Variants in CEP83 observed in about 807,000 individuals in gnomAD.
The protein encoded by CEP83 is centrosomal protein 83.
CEP83 carries 70 observed loss-of-function variants against 101.9 expected under a neutral mutation model. The observed-to-expected ratio is 0.69, with a 90% CI of 0.57 to 0.84. The LOEUF (loss-of-function observed/expected upper bound fraction) is 0.84. Ranked by LOEUF, CEP83 falls within the 40% of genes least tolerant of loss-of-function variation. The pLI, the probability that CEP83 is intolerant of heterozygous loss-of-function variation, is 0.00. For synonymous variants in CEP83, 264 were observed against 267.9 expected (o/e 0.99, Z 0.14); for missense variants, 715 against 787.2 (o/e 0.91, Z 1.10).
the CEP83 span, among the ~76,000 whole-genome samples, chr12:94,278,958 A>C: frequency 1.4e-4 from 21 of 151,810 alleles, no homozygotes; most frequent in South Asian, 3.5e-3. Flanking sequence ...AGATAGCACC[A>C]TTGAACTCCA....
chr12:94,419,747 G>C (rs1437413342), intron 2 of CEP83, among the ~76,000 whole-genome samples: 6 of 152,094 alleles, frequency 3.9e-5, no homozygotes, highest in African/African-American at 1.4e-4. Flanking sequence ...ACCGTAAGGA[G>C]AAGAGAGTCT....
intron 1 of CEP83, among the ~76,000 whole-genome samples, chr12:94,436,299 G>A (rs2065979573): frequency 6.7e-6 from 1 of 149,298 alleles, no homozygotes; most frequent in Non-Finnish European, 1.5e-5. Flanking sequence ...GGGCACTAGA[G>A]AAAAGTGAAA....
At chr12:94,303,341 A>ATCAAG (rs1219764580), downstream of CEP83, among the ~76,000 whole-genome samples, 1 of 152,214 alleles carries the variant, frequency 6.6e-6, no homozygotes, top group East Asian at 1.9e-4. Context: ...CAGACCTACA[A>ATCAAG]TCAAGTCTTT....
intron 6 of CEP83, among the ~76,000 whole-genome samples, chr12:94,391,285 G>A (rs1041292131): frequency 4.6e-5 from 7 of 152,184 alleles, no homozygotes; most frequent in African/African-American, 1.4e-4. Context: ...TCTCTCGGCA[G>A]AAACCCTACA....
At chr12:94,451,229 A>G (rs1490221755) in intron 1 of CEP83, among the ~76,000 whole-genome samples, 2 of 152,180 alleles carry the variant, frequency 1.3e-5, no homozygotes, top group Non-Finnish European at 2.9e-5. Context: ...GAGCTCAAAG[A>G]AAAATCTTTG....
At chr12:94,298,528 T>G in the CEP83 span, 2 of 964,460 alleles carry the variant, frequency 2.1e-6, no homozygotes, top group East Asian at 5.1e-5. Context: ...TTTCCCTGTT[T>G]TGAACATTAT....
At chr12:94,456,994 C>CTATG (rs1217715540) in intron 1 of CEP83, among the ~76,000 whole-genome samples, 1 of 152,052 alleles carries the variant, frequency 6.6e-6, no homozygotes, top group East Asian at 1.9e-4. Flanking sequence ...CATACTATTC[C>CTATG]TATGTATGTA....
intron 4 of CEP83, among the ~76,000 whole-genome samples, chr12:94,404,306 G>A (rs576897339): frequency 6.6e-6 from 1 of 152,272 alleles, no homozygotes; most frequent in East Asian, 1.9e-4. Context: ...ATTTAGGATA[G>A]AAGGCATGAC....
rs1325403742 is a variant in CEP83, at chr12:94,412,455, A to G, written c.36T>C (p.Phe12=). The G allele has an allele frequency of 1.2e-6, 2 of 1,612,694 alleles. No individual in the cohort carries two copies. Among genetic ancestry groups the G allele is most frequent in the Non-Finnish European group, 1.7e-6 (2 of 1,179,452 alleles). ...CTCCACCAGGAGGAAAATTATTGGGAAAAGTGTCCATATCGGTAAATGTGC... is the reference window on the plus strand; with the variant it reads ...CTCCACCAGGAGGAAAATTATTGGGGAAAGTGTCCATATCGGTAAATGTGC... ...VVSTFTDMDT[F]PNNFPPGGDS... Residue 12 remains phenylalanine, a synonymous_variant, in exon 3 of 17, where the codon TTT becomes TTC. Transcript: ENST00000397809.
intron 11 of CEP83, among the ~76,000 whole-genome samples, chr12:94,341,661 C>T (rs1593264238): frequency 6.6e-6 from 1 of 151,560 alleles, no homozygotes; most frequent in African/African-American, 2.4e-5. Context: ...GTAAGTGAAA[C>T]TCCAGAGGAA....
intron 11 of CEP83, among the ~76,000 whole-genome samples, chr12:94,347,074 TACACACACACACACACACATACACAC>T (rs1179453491): frequency 8.2e-4 from 107 of 129,780 alleles, no homozygotes; most frequent in Middle Eastern, 4.2e-3. Flanking sequence ...TATATACACA[TACACACACACACACACACATACACAC>T]ACACACACAT....
At chr12:94,397,848 A>G (rs2062995723) in intron 6 of CEP83, among the ~76,000 whole-genome samples, 1 of 152,188 alleles carries the variant, frequency 6.6e-6, no homozygotes, top group Admixed American at 6.5e-5. Flanking sequence ...TATCATAATT[A>G]TGGATTCAAA....
chr12:94,276,219 A>G, the CEP83 span, among the ~76,000 whole-genome samples: 1 of 152,228 alleles, frequency 6.6e-6, no homozygotes, highest in Admixed American at 6.5e-5. Flanking sequence ...TCCGATTAAA[A>G]GGTGCCTCCC....
downstream of CEP83, among the ~76,000 whole-genome samples, chr12:94,301,988 C>T (rs971976159): frequency 2.0e-5 from 3 of 152,160 alleles, no homozygotes; most frequent in African/African-American, 7.2e-5. Flanking sequence ...CCCTTCATCC[C>T]GTCCCTACTG....
At chr12:94,299,849 T>C in the CEP83 span, among the ~76,000 whole-genome samples, 3 of 152,168 alleles carry the variant, frequency 2.0e-5, no homozygotes. Flanking sequence ...TGTGAGCCAC[T>C]GCCCCTGGCC....
At chr12:94,399,525 C>T (rs567930462) in intron 6 of CEP83, among the ~76,000 whole-genome samples, 1 of 152,306 alleles carries the variant, frequency 6.6e-6, no homozygotes, top group Admixed American at 6.5e-5. Flanking sequence ...GCTGGGGCAA[C>T]ATAGCAAGGC....
rs199571643 is a variant in CEP83 at position 94,336,554 on chromosome 12, G to A, written c.1344-890C>T. 1.2e-4 allele frequency among the ~76,000 whole-genome samples: 18 copies of A among 152,150 alleles called. 1 individual carries two copies. The highest frequency in any genetic ancestry group is 2.6e-4 in the Non-Finnish European group (18 of 68,010). ...ATAAACATTTGTTGGCAGACTGAAC[G>A]AACCAACCCAAATCATGGATTAGCT... On this transcript the variant is annotated intron_variant, in intron 11 of 16. Transcript: ENST00000397809.
chr12:94,303,513 C>T (rs954241394), downstream of CEP83, among the ~76,000 whole-genome samples: 3 of 152,002 alleles, frequency 2.0e-5, no homozygotes, highest in African/African-American at 7.2e-5. Context: ...GAGAGGAAGG[C>T]AGAATATATT....
intron 14 of CEP83, among the ~76,000 whole-genome samples, chr12:94,329,837 A>G (rs1341731437): frequency 6.6e-6 from 1 of 152,242 alleles, no homozygotes; most frequent in Non-Finnish European, 1.5e-5. Context: ...ACAAGTGTGC[A>G]TATTTGGGTA....
Sources: gnomAD v4.1 joint callset for allele counts (sites outside exome capture counted in the v4.1 genomes callset) on GRCh38, gnomAD v4.1.1 for gene constraint, MANE v1.5 for transcripts, NCBI Gene and HGNC (gene_info 2026-07-23, HGNC 2026-07-21) for gene names.